TRIO: variants seen among roughly 807,000 people sequenced by gnomAD.
The protein encoded by TRIO is trio Rho guanine nucleotide exchange factor.
Under a neutral mutation model 351.9 loss-of-function variants are expected in TRIO, and 58 were observed. The ratio of observed to expected loss-of-function variants is 0.16; its 90% CI spans 0.13 to 0.21. TRIO has a LOEUF of 0.21. TRIO is among the 10% of genes least tolerant of loss of function. The probability of loss-of-function intolerance (pLI) is 1.00; values close to 1 mark genes in which losing one functional copy is unlikely to be tolerated. For missense variants in TRIO, 3,201 were observed against 4,027.8 expected, an observed-to-expected ratio of 0.79 and a Z score of 5.56; for synonymous variants, 1,758 against 1,595.7, an observed-to-expected ratio of 1.10 and a Z score of -2.42.
At chr5:14,372,253 T>TGAGAGAGA (rs71599622) in intron 18 of TRIO, among the ~76,000 whole-genome samples, 10 of 115,258 alleles carry the variant, frequency 8.7e-5, no homozygotes, top group Non-Finnish European at 1.2e-4. Context: ...GGCGGGGGTG[T>TGAGAGAGA]GAGAGAGAGA....
At chr5:14,417,363 C>T (rs931028877) in intron 33 of TRIO, among the ~76,000 whole-genome samples, 1 of 152,206 alleles carries the variant, frequency 6.6e-6, no homozygotes, top group South Asian at 2.1e-4. Flanking sequence ...ACATGTGTTT[C>T]TTATTCTGAA....
chr5:14,359,435 C>A lies in TRIO; in HGVS notation c.2295C>A (p.Asp765Glu). ...TTGAGACGGTGCTGCAGCAGCTGGA[C>A]GAGGCGCAGTCGCAGATGGAGGAGC... ...NHIETVLQQL[D>E]EAQSQMEELF... The change falls in exon 13 of 57, where the codon GAC (aspartate) becomes GAA (glutamate). Residue 765 changes from aspartate to glutamate, a missense_variant. Transcript: ENST00000344204. 6.2e-7 allele frequency: 1 copy of A among 1,614,280 alleles called. No individual in the cohort carries two copies. The highest frequency in any genetic ancestry group is 8.5e-7 in the Non-Finnish European group (1 of 1,180,050).
intron 33 of TRIO, among the ~76,000 whole-genome samples, chr5:14,411,254 A>T (rs1749172783): frequency 1.3e-5 from 2 of 152,246 alleles, no homozygotes; most frequent in African/African-American, 2.4e-5. Context: ...ACACATCTTT[A>T]AAAATTTTTT....
intron 46 of TRIO, among the ~76,000 whole-genome samples, chr5:14,484,028 T>G (rs1755737448): frequency 6.6e-6 from 1 of 151,744 alleles, no homozygotes. Context: ...ACCCATCCCC[T>G]GAGAACCACC....
intron 1 of TRIO, among the ~76,000 whole-genome samples, chr5:14,211,474 A>G (rs1190785102): frequency 1.3e-5 from 2 of 152,202 alleles, no homozygotes; most frequent in African/African-American, 4.8e-5. Context: ...AAAACATACA[A>G]TAATTTAAAA....
rs1436056170 is a variant in TRIO, at chr5:14,480,028, A to G, written c.6336+17A>G. On this transcript the variant is annotated intron_variant, in intron 43 of 56. Coordinates refer to ENST00000344204, the MANE Select transcript of TRIO (RefSeq NM_007118.4). ...TTACTGAAGGTGAGGAGGTGGCGGG[A>G]CAAACTCTGGTGTCAGGAGTGAGTT... 8 of 1,612,390 alleles carry G rather than the reference A, an allele frequency of 5.0e-6. No homozygotes were observed. The African/African-American group carries it at 1.1e-4, about 22-fold the overall frequency.
intron 1 of TRIO, among the ~76,000 whole-genome samples, chr5:14,221,673 G>C (rs1366985392): frequency 6.6e-6 from 1 of 152,268 alleles, no homozygotes; most frequent in East Asian, 1.9e-4. Flanking sequence ...AGTGGAGCCT[G>C]AAGATGGGAC....
chr5:14,189,776 G>T (rs1429353590), intron 1 of TRIO, among the ~76,000 whole-genome samples: 2 of 151,696 alleles, frequency 1.3e-5, no homozygotes, highest in Non-Finnish European at 2.9e-5. Context: ...TGTTGCCCAG[G>T]CTGGAGTGCA....
chr5:14,207,361 C>CACACAGAGAG lies in TRIO; in HGVS notation c.158-63463_158-63462insCACAGAGAGA. On this transcript the variant is annotated intron_variant, in intron 1 of 56. Coordinates refer to ENST00000344204, the MANE Select transcript of TRIO (RefSeq NM_007118.4). ...ACACACACACACACACACACACACA[C>CACACAGAGAG]AGAGCCAGGTAGCATAGCAAGACTG... 1.1e-3 allele frequency among the ~76,000 whole-genome samples: 11 copies of CACACAGAGAG among 10,100 alleles called. 2 individuals carry two copies. The highest frequency in any genetic ancestry group is 2.3e-3 in the African/African-American group (8 of 3,430). The allele number at this position is 10,100 out of a possible 152,430, so 6.6% of individuals were successfully genotyped here.
chr5:14,299,638 C>G (rs1215583232), intron 7 of TRIO, among the ~76,000 whole-genome samples: 1 of 152,158 alleles, frequency 6.6e-6, no homozygotes, highest in Non-Finnish European at 1.5e-5. Context: ...CAACGTTGTT[C>G]CCTCATTTTA....
At chr5:14,481,181 C>A in intron 43 of TRIO, 53 bp from the exon 44 acceptor site, 2 of 1,564,212 alleles carry the variant, frequency 1.3e-6, no homozygotes, top group Non-Finnish European at 8.7e-7. Context: ...AATAAAAGGT[C>A]AGCTGCTGTT....
intron 53 of TRIO, 58 bp downstream of exon 53, chr5:14,498,698 C>T: frequency 1.3e-6 from 2 of 1,592,846 alleles, no homozygotes; most frequent in South Asian, 2.2e-5. Flanking sequence ...TTTCAGGAGT[C>T]TCCTTAAGTC....
chr5:14,180,984 A>G (rs997273188), intron 1 of TRIO, among the ~76,000 whole-genome samples: 4 of 152,266 alleles, frequency 2.6e-5, no homozygotes, highest in Non-Finnish European at 5.9e-5. Context: ...AAGTTAAGGT[A>G]TAAAGAACAT....
chr5:14,286,788 G>A lies in TRIO; in HGVS notation c.348-83G>A, dbSNP rs1325010824. 2.0e-6 allele frequency: 3 copies of A among 1,472,514 alleles called. No homozygotes were observed. In the African/African-American group the frequency reaches 4.2e-5, roughly 21 times the overall value. 91.2% of individuals were successfully genotyped at this position (1,472,514 alleles called of 1,614,324 possible). On this transcript the variant is annotated intron_variant, in intron 3 of 56. Coordinates refer to ENST00000344204, the MANE Select transcript of TRIO (RefSeq NM_007118.4). The surrounding 1 kb of genome is among the most constrained non-coding windows in gnomAD (Gnocchi z 4.4). The stretch of plus-strand genomic sequence containing the variant: ...GTGTCCAGCAGGGGAGGGAAGCTGG[G>A]TCTGTGGCACCCAGTGGGACTCTGA...
At chr5:14,375,419 T>A (rs957632029) in intron 19 of TRIO, among the ~76,000 whole-genome samples, 2 of 152,334 alleles carry the variant, frequency 1.3e-5, no homozygotes, top group East Asian at 3.9e-4. Flanking sequence ...GACACACGTT[T>A]TTGTGTGAGA....
chr5:14,482,374 C>G, intron 45 of TRIO: 1 of 372,740 alleles, frequency 2.7e-6, no homozygotes, highest in Non-Finnish European at 4.7e-6. Flanking sequence ...CGCCAGAGGT[C>G]TATACAAATG....
chr5:14,396,723 G>C (rs1747629872), intron 28 of TRIO, among the ~76,000 whole-genome samples: 1 of 151,684 alleles, frequency 6.6e-6, no homozygotes. Flanking sequence ...ACCCACCTCA[G>C]CCTCCCGAAG....
rs1736824830 is a variant in TRIO at position 14,290,619 on chromosome 5, AACTTTGAAAACCTGTG to A, written c.541-93_541-78del. Reference sequence around the variant, plus strand: ...ATGTTTTCTATAAATAGATTACTTTAACTTTGAAAACCTGTGACTGAGCATTGCAAATTGCATTATG... The same window carrying A: ...ATGTTTTCTATAAATAGATTACTTTAACTGAGCATTGCAAATTGCATTATG... On this transcript the variant is annotated intron_variant, in intron 4 of 56. Transcript: ENST00000344204. 2.3e-6 allele frequency: 3 copies of A among 1,281,054 alleles called. No homozygotes were observed. In the African/African-American group the frequency reaches 4.4e-5, roughly 19 times the overall value. The allele number at this position is 1,281,054 out of a possible 1,614,324, so 79.4% of individuals were successfully genotyped here.
intron 19 of TRIO, 88 bp downstream of exon 19, chr5:14,374,431 A>C: frequency 1.2e-6 from 1 of 846,540 alleles, no homozygotes; most frequent in Non-Finnish European, 1.8e-6. Flanking sequence ...CTGAACTCTC[A>C]ACTTCAGTTT....
Sources: gnomAD v4.1 joint callset for allele counts (sites outside exome capture counted in the v4.1 genomes callset) on GRCh38, gnomAD v4.1.1 for gene constraint, Gnocchi (gnomAD v3.1) non-coding constraint, MANE v1.5 for transcripts, NCBI Gene and HGNC (gene_info 2026-07-23, HGNC 2026-07-21) for gene names.